ELMO1: variants seen among roughly 807,000 people sequenced by gnomAD.
ELMO1 encodes engulfment and cell motility 1.
Under a neutral mutation model 98.9 loss-of-function variants are expected in ELMO1, and 26 were observed. The observed-to-expected ratio is 0.26, with a 90% confidence interval of 0.19 to 0.36. ELMO1 has a LOEUF of 0.36. Among genes scored for constraint, ELMO1 ranks in the 10% least tolerant of loss-of-function variants. The pLI is 1.00. For missense variants in ELMO1, 627 were observed against 935.2 expected, an observed-to-expected ratio of 0.67 and a Z score of 4.30; for synonymous variants, 346 against 346.0, an observed-to-expected ratio of 1.00 and a Z score of 0.00.
intron 2 of ELMO1, among the ~76,000 whole-genome samples, chr7:37,320,698 C>T (rs1182927877): frequency 1.3e-5 from 2 of 152,136 alleles, no homozygotes; most frequent in Non-Finnish European, 2.9e-5. Flanking sequence ...ATTTCTGTAG[C>T]CTTCCCCACC....
At chr7:37,000,218 C>G (rs1340568002) in intron 16 of ELMO1, among the ~76,000 whole-genome samples, 2 of 152,154 alleles carry the variant, frequency 1.3e-5, no homozygotes, top group Non-Finnish European at 2.9e-5. Context: ...TGGGTCTTTT[C>G]CTTTTCTACT....
intron 18 of ELMO1, among the ~76,000 whole-genome samples, chr7:36,884,521 G>T (rs1804765639): frequency 6.6e-6 from 1 of 152,126 alleles, no homozygotes; most frequent in Admixed American, 6.5e-5. Flanking sequence ...TGAGCAGATT[G>T]CCCGAGGCTA....
At chr7:36,921,611 C>T (rs1288988651) in intron 16 of ELMO1, among the ~76,000 whole-genome samples, 1 of 152,148 alleles carries the variant, frequency 6.6e-6, no homozygotes, top group Non-Finnish European at 1.5e-5. Flanking sequence ...TTGCACCTGG[C>T]TCAAGAGTCA....
intron 15 of ELMO1, among the ~76,000 whole-genome samples, chr7:37,045,937 T>C (rs1041991729): frequency 4.6e-5 from 7 of 152,216 alleles, no homozygotes; most frequent in Non-Finnish European, 8.8e-5. Flanking sequence ...TAGGCAGAGC[T>C]GTCTGCTTCC....
At chr7:37,143,977 CT>C (rs568398052) in intron 13 of ELMO1, among the ~76,000 whole-genome samples, 65 of 152,154 alleles carry the variant, frequency 4.3e-4, no homozygotes, top group African/African-American at 1.5e-3. Flanking sequence ...TCCCAAAGTG[CT>C]GGGATTACAA....
rs1793134718 is a variant in ELMO1 at position 37,006,520 on chromosome 7, G to A, written c.1437+6779C>T. ...AGATCCTCCTGCTAATTCAGCCTTG[G>A]TTCTTGCCTTTGCACCATGCATTCT... On this transcript the variant is annotated intron_variant, in intron 16 of 21. Coordinates refer to ENST00000310758, the MANE Select transcript of ELMO1 (RefSeq NM_014800.11). Among the ~76,000 whole-genome samples, 3 of 152,310 alleles carry A rather than the reference G, an allele frequency of 2.0e-5. No homozygotes were observed. In the South Asian group the frequency reaches 6.2e-4, roughly 32 times the overall value.
chr7:36,980,683 C>T (rs1440941865), intron 16 of ELMO1, among the ~76,000 whole-genome samples: 1 of 152,098 alleles, frequency 6.6e-6, no homozygotes, highest in African/African-American at 2.4e-5. Context: ...TGTGGTAATC[C>T]AAAGATACTT....
At chr7:36,898,818 T>C (rs984805857) in intron 16 of ELMO1, among the ~76,000 whole-genome samples, 4 of 152,244 alleles carry the variant, frequency 2.6e-5, no homozygotes, top group Non-Finnish European at 4.4e-5. Context: ...CTGGAGGCCC[T>C]GTGCCGGATG....
At chr7:37,265,379 T>TTTA in intron 5 of ELMO1, among the ~76,000 whole-genome samples, 1 of 152,122 alleles carries the variant, frequency 6.6e-6, no homozygotes, top group Non-Finnish European at 1.5e-5. Context: ...AAATCTCTAA[T>TTTA]ATCTCCCATC....
Position 37,342,789 on chromosome 7 carries a change from AGAG to A in ELMO1, c.-73-29_-73-27del. The A allele has an allele frequency of 8.8e-7, 1 of 1,137,382 alleles. No individual in the cohort carries two copies. The highest frequency in any genetic ancestry group is 1.6e-5 in the African/African-American group (1 of 63,702). The allele number at this position is 1,137,382 out of a possible 1,614,324, so 70.5% of individuals were successfully genotyped here. ...CTAATGAGGAATGACAGAAAAAGAAAGAGAAGTCACTCAGTGCAGATGCAGGGT... is the reference window on the plus strand; with the variant it reads ...CTAATGAGGAATGACAGAAAAAGAAAAAGTCACTCAGTGCAGATGCAGGGT... On this transcript the variant is annotated intron_variant, in intron 1 of 21. Transcript: ENST00000310758. The surrounding 1 kb of genome is among the most constrained non-coding windows in gnomAD (Gnocchi z 4.3).
At chr7:36,860,986 C>A (rs1319118569) in intron 21 of ELMO1, among the ~76,000 whole-genome samples, 2 of 151,914 alleles carry the variant, frequency 1.3e-5, no homozygotes, top group African/African-American at 4.8e-5. Context: ...CAACCACACG[C>A]AAAACAAAAA....
At chr7:37,184,504 G>A (rs929649) in intron 13 of ELMO1, among the ~76,000 whole-genome samples, 152,337 of 152,352 alleles carry the variant, frequency 1, 76,161 homozygotes, top group Non-Finnish European at 1. Context: ...AAGGCCAAAA[G>A]TGAATACGTT....
At chr7:36,984,690 C>A (rs975967826) in intron 16 of ELMO1, among the ~76,000 whole-genome samples, 1 of 152,182 alleles carries the variant, frequency 6.6e-6, no homozygotes, top group African/African-American at 2.4e-5. Flanking sequence ...CCAGATGCTT[C>A]ATTCTCTTTT....
intron 10 of ELMO1, 68 bp from the exon 11 acceptor site, chr7:37,216,763 T>C: frequency 6.4e-7 from 1 of 1,574,554 alleles, no homozygotes; most frequent in Non-Finnish European, 8.7e-7. Flanking sequence ...TGGCCAAAAA[T>C]GACCTTATCC....
chr7:37,333,051 G>A (rs773035499), intron 2 of ELMO1, among the ~76,000 whole-genome samples: 3 of 152,192 alleles, frequency 2.0e-5, no homozygotes, highest in African/African-American at 7.2e-5. Flanking sequence ...AAGCATGATG[G>A]TGATGCCATT....
intron 16 of ELMO1, among the ~76,000 whole-genome samples, chr7:36,939,896 T>C (rs1359407032): frequency 6.6e-6 from 1 of 152,236 alleles, no homozygotes; most frequent in Non-Finnish European, 1.5e-5. Flanking sequence ...CAACACTGTA[T>C]GCTCCTGGCA....
At chr7:37,395,687 CTCT>C (rs1327446818) in intron 1 of ELMO1, among the ~76,000 whole-genome samples, 2 of 151,406 alleles carry the variant, frequency 1.3e-5, no homozygotes, top group African/African-American at 4.8e-5. Flanking sequence ...GCAATTATGG[CTCT>C]TCTTCTCTCT....
chr7:37,282,039 T>G (rs969363833), intron 4 of ELMO1, among the ~76,000 whole-genome samples: 5 of 152,008 alleles, frequency 3.3e-5, no homozygotes, highest in Admixed American at 6.6e-5. Context: ...TGTGGATGGG[T>G]AATAAGATGG....
intron 1 of ELMO1, among the ~76,000 whole-genome samples, chr7:37,373,649 A>T (rs1802209593): frequency 6.6e-6 from 1 of 152,054 alleles, no homozygotes; most frequent in Non-Finnish European, 1.5e-5. Context: ...TTATGGTGCT[A>T]TTTTAATTTT....
Sources: gnomAD v4.1 joint callset for allele counts (sites outside exome capture counted in the v4.1 genomes callset) on GRCh38, gnomAD v4.1.1 for gene constraint, Gnocchi (gnomAD v3.1) non-coding constraint, MANE v1.5 for transcripts, NCBI Gene and HGNC (gene_info 2026-07-23, HGNC 2026-07-21) for gene names.